Variants in SPIDR observed in about 807,000 individuals in gnomAD.
The protein encoded by SPIDR is DNA repair-scaffolding protein.
Under a neutral mutation model 104.6 loss-of-function variants are expected in SPIDR, and 93 were observed. That is an observed-to-expected ratio of 0.89 (90% CI 0.75 to 1.06). The LOEUF (loss-of-function observed/expected upper bound fraction) is 1.06. Ranked by LOEUF, SPIDR falls within the 50% of genes least tolerant of loss-of-function variation. The pLI is 0.00. For synonymous variants in SPIDR, 431 were observed against 416.9 expected (o/e 1.03, Z -0.41); for missense variants, 1,154 against 1,111.2 (o/e 1.04, Z -0.55).
intron 8 of SPIDR, among the ~76,000 whole-genome samples, chr8:47,586,739 A>G (rs1588088372): frequency 6.6e-6 from 1 of 152,074 alleles, no homozygotes; most frequent in Non-Finnish European, 1.5e-5. Context: ...TTCAGTTTTG[A>G]TAAGTTCTAG....
At chr8:47,570,488 G>A (rs1587892127) in intron 8 of SPIDR, among the ~76,000 whole-genome samples, 2 of 152,284 alleles carry the variant, frequency 1.3e-5, no homozygotes, top group South Asian at 4.1e-4. Flanking sequence ...AAATCTTCCT[G>A]ACCTTGAATG....
intron 8 of SPIDR, among the ~76,000 whole-genome samples, chr8:47,447,011 A>C (rs1484421110): frequency 6.6e-6 from 1 of 152,136 alleles, no homozygotes; most frequent in African/African-American, 2.4e-5. Flanking sequence ...AGGAGTATGG[A>C]AAGAGTTGAT....
chr8:47,548,209 T>G (rs1382399000), intron 8 of SPIDR, among the ~76,000 whole-genome samples: 1 of 152,222 alleles, frequency 6.6e-6, no homozygotes, highest in East Asian at 1.9e-4. Context: ...ACTCAATAAT[T>G]TATATGATAA....
chr8:47,487,544 G>A (rs1165241360), intron 8 of SPIDR, among the ~76,000 whole-genome samples: 1 of 152,134 alleles, frequency 6.6e-6, no homozygotes, highest in Non-Finnish European at 1.5e-5. Flanking sequence ...AAAATCAACA[G>A]AATATACATT....
At chr8:47,702,495 C>G (rs1332877704) in intron 14 of SPIDR, among the ~76,000 whole-genome samples, 1 of 152,186 alleles carries the variant, frequency 6.6e-6, no homozygotes, top group Non-Finnish European at 1.5e-5. Flanking sequence ...AAAGCCCCCC[C>G]ATCCCACCTC....
At chr8:47,330,271 C>T (rs2048431049) in intron 5 of SPIDR, among the ~76,000 whole-genome samples, 1 of 151,918 alleles carries the variant, frequency 6.6e-6, no homozygotes, top group Non-Finnish European at 1.5e-5. Flanking sequence ...CCATAATTCC[C>T]TCCCCCACAT....
chr8:47,522,462 GA>G (rs1465344624), intron 8 of SPIDR, among the ~76,000 whole-genome samples: 3 of 152,192 alleles, frequency 2.0e-5, no homozygotes, highest in Non-Finnish European at 4.4e-5. Context: ...AAAGGCTGCT[GA>G]AGGATCCGAG....
intron 5 of SPIDR, among the ~76,000 whole-genome samples, chr8:47,321,811 C>T (rs1351908911): frequency 6.6e-6 from 1 of 152,158 alleles, no homozygotes; most frequent in Non-Finnish European, 1.5e-5. Context: ...ACCATCTGAT[C>T]TTTGACAAAC....
chr8:47,383,643 AT>A (rs2059572449), intron 5 of SPIDR, among the ~76,000 whole-genome samples: 1 of 152,162 alleles, frequency 6.6e-6, no homozygotes, highest in Non-Finnish European at 1.5e-5. Context: ...AAGAAAATAG[AT>A]TTAGAGCGTT....
intron 8 of SPIDR, among the ~76,000 whole-genome samples, chr8:47,522,937 CT>C (rs897394654): frequency 2.0e-5 from 3 of 151,718 alleles, no homozygotes; most frequent in Non-Finnish European, 2.9e-5. Context: ...TTAAAGTGAT[CT>C]TTTTTTGTTG....
At chr8:47,667,998 T>G (rs2075225095) in intron 10 of SPIDR, 1 of 152,164 alleles carries the variant, frequency 6.6e-6, no homozygotes, top group Non-Finnish European at 1.5e-5. Flanking sequence ...CCAAAATATC[T>G]TAAGAAAAAA....
chr8:47,356,302 G>T (rs1554625784), intron 5 of SPIDR, among the ~76,000 whole-genome samples: 1 of 152,186 alleles, frequency 6.6e-6, no homozygotes, highest in Admixed American at 6.5e-5. Flanking sequence ...CTCCTGAAAT[G>T]AAGGTGATGG....
intron 8 of SPIDR, among the ~76,000 whole-genome samples, chr8:47,442,881 T>C (rs1220438913): frequency 1.3e-5 from 2 of 152,254 alleles, no homozygotes; most frequent in Non-Finnish European, 2.9e-5. Context: ...ATTATAGGCC[T>C]GAGCCACCAG....
chr8:47,379,674 C>T (rs544353561), intron 5 of SPIDR, among the ~76,000 whole-genome samples: 9 of 152,310 alleles, frequency 5.9e-5, no homozygotes, highest in Admixed American at 3.3e-4. Context: ...GCAGACTCCT[C>T]GTAGAGGGCA....
intron 16 of SPIDR, among the ~76,000 whole-genome samples, chr8:47,715,467 G>A (rs545837672): frequency 5.3e-5 from 8 of 152,132 alleles, no homozygotes; most frequent in South Asian, 4.1e-4. Flanking sequence ...GTGAGCCACC[G>A]CCCCCAGCCT....
rs532604030 is a variant in SPIDR at position 47,657,285 on chromosome 8, GAAAAA to G, written c.1545-16510_1545-16506del. Among the ~76,000 whole-genome samples, 4 of 149,378 alleles carry G rather than the reference GAAAAA, an allele frequency of 2.7e-5. No homozygotes were observed. The South Asian group carries it at 8.4e-4, about 32-fold the overall frequency. On this transcript the variant is annotated intron_variant, in intron 10 of 19. Transcript: ENST00000297423. ...TTACTTACCAGGGAATTGTGCTGAG[GAAAAA>G]AAAAATCCAATCCCAAAAATTGTAT...
chr8:47,600,797 A>G (rs2062179925), intron 10 of SPIDR, among the ~76,000 whole-genome samples: 1 of 152,176 alleles, frequency 6.6e-6, no homozygotes, highest in African/African-American at 2.4e-5. Context: ...TACCTTGGCA[A>G]TGAGGAACTT....
intron 8 of SPIDR, among the ~76,000 whole-genome samples, chr8:47,524,494 C>T (rs942082066): frequency 1.3e-5 from 2 of 152,146 alleles, no homozygotes; most frequent in African/African-American, 4.8e-5. Context: ...AGGTCCTGTA[C>T]TCTCCTGACC....
At chr8:47,484,914 G>C (rs2077341538) in intron 8 of SPIDR, among the ~76,000 whole-genome samples, 1 of 152,178 alleles carries the variant, frequency 6.6e-6, no homozygotes. Flanking sequence ...ACAGCTCCCA[G>C]CATAAGCGAC....
Sources: allele counts gnomAD v4.1 joint callset (sites outside exome capture counted in the v4.1 genomes callset), GRCh38; gene constraint gnomAD v4.1.1; transcripts MANE v1.5; gene names NCBI Gene and HGNC (gene_info 2026-07-23, HGNC 2026-07-21).